Variants in FAM117B observed in about 807,000 individuals in gnomAD.
The protein encoded by FAM117B is protein FAM117B.
In FAM117B, 22 loss-of-function variants were observed where a neutral mutation model predicts 52.8. That is an observed-to-expected ratio of 0.42 (90% CI 0.30 to 0.59). The LOEUF is 0.59. Among genes scored for constraint, FAM117B ranks in the 20% least tolerant of loss-of-function variants. The probability of loss-of-function intolerance (pLI) is 0.22; values close to 1 mark genes in which losing one functional copy is unlikely to be tolerated. For synonymous variants in FAM117B, 309 were observed against 324.1 expected, an observed-to-expected ratio of 0.95 and a Z score of 0.50; for missense variants, 678 against 802.6, an observed-to-expected ratio of 0.84 and a Z score of 1.88.
chr2:202,705,316 A>G (rs1305647011), intron 2 of FAM117B, among the ~76,000 whole-genome samples: 1 of 152,084 alleles, frequency 6.6e-6, no homozygotes, highest in Non-Finnish European at 1.5e-5. Context: ...CAAAGAAAAA[A>G]AAAACAAAAA....
intron 5 of FAM117B, 145 bp downstream of exon 5, chr2:202,755,826 T>TGAGTG (rs1691792655): frequency 3.8e-6 from 3 of 783,136 alleles, no homozygotes; most frequent in Non-Finnish European, 3.9e-6. Flanking sequence ...TTGACCTGGG[T>TGAGTG]GAGTGAATGA....
chr2:202,684,431 G>A (rs1210565744), intron 1 of FAM117B, among the ~76,000 whole-genome samples: 6 of 152,134 alleles, frequency 3.9e-5, no homozygotes, highest in African/African-American at 1.4e-4. Context: ...CATTTGAATT[G>A]TCCAATATAT....
intron 4 of FAM117B, 88 bp from the exon 5 acceptor site, chr2:202,755,450 G>A: frequency 6.8e-7 from 1 of 1,477,572 alleles, no homozygotes; most frequent in Non-Finnish European, 9.2e-7. Flanking sequence ...ATTTATTTTT[G>A]AGTTACTTAT....
intron 7 of FAM117B, among the ~76,000 whole-genome samples, chr2:202,763,221 G>A (rs1310588195): frequency 6.6e-6 from 1 of 151,808 alleles, no homozygotes; most frequent in African/African-American, 2.4e-5. Flanking sequence ...ACAGGCATCC[G>A]CCACCATGCT....
At chr2:202,646,845 T>G (rs1028880183) in intron 1 of FAM117B, among the ~76,000 whole-genome samples, 2 of 149,632 alleles carry the variant, frequency 1.3e-5, no homozygotes, top group Non-Finnish European at 2.9e-5. Context: ...TTTACCTTGT[T>G]TAAGTGATAA....
chr2:202,669,840 A>G (rs573854237), intron 1 of FAM117B, among the ~76,000 whole-genome samples: 4 of 152,242 alleles, frequency 2.6e-5, no homozygotes, highest in South Asian at 4.1e-4. Flanking sequence ...TGCTTGAAGT[A>G]TTTTTCTAGA....
intron 4 of FAM117B, among the ~76,000 whole-genome samples, chr2:202,729,359 CTCTT>C (rs1031974385): frequency 1.3e-5 from 2 of 151,834 alleles, no homozygotes; most frequent in Admixed American, 1.3e-4. Context: ...TAAAAAGAAA[CTCTT>C]AGGCTGTAAA....
chr2:202,751,075 C>A (rs544802770), intron 4 of FAM117B, among the ~76,000 whole-genome samples: 13 of 152,106 alleles, frequency 8.5e-5, no homozygotes, highest in Admixed American at 3.3e-4. Context: ...AAGGGAAAAT[C>A]AAAAAATATA....
intron 4 of FAM117B, among the ~76,000 whole-genome samples, chr2:202,729,167 A>G (rs1264256793): frequency 1.3e-5 from 2 of 152,128 alleles, no homozygotes; most frequent in Admixed American, 1.3e-4. Flanking sequence ...GCGAAACCAC[A>G]TCTCTACTAA....
intron 7 of FAM117B, among the ~76,000 whole-genome samples, chr2:202,765,070 C>T (rs1477453646): frequency 6.6e-6 from 1 of 152,172 alleles, no homozygotes; most frequent in African/African-American, 2.4e-5. Flanking sequence ...TAAAGGCATA[C>T]ATGTCTTTAA....
At chr2:202,669,274 A>G (rs1279929676) in intron 1 of FAM117B, among the ~76,000 whole-genome samples, 2 of 152,196 alleles carry the variant, frequency 1.3e-5, no homozygotes, top group African/African-American at 2.4e-5. Flanking sequence ...TTAAAACAGC[A>G]GTGATTCTAG....
chr2:202,762,038 C>A (rs1691898147), intron 7 of FAM117B, among the ~76,000 whole-genome samples: 1 of 152,072 alleles, frequency 6.6e-6, no homozygotes, highest in African/African-American at 2.4e-5. Flanking sequence ...AAATAAGTTA[C>A]TCAAAGTCTT....
chr2:202,682,673 G>A (rs923888982), intron 1 of FAM117B, among the ~76,000 whole-genome samples: 1 of 152,224 alleles, frequency 6.6e-6, no homozygotes, highest in Admixed American at 6.5e-5. Flanking sequence ...ATAAGCGTCA[G>A]TAACTTTAAA....
intron 1 of FAM117B, among the ~76,000 whole-genome samples, chr2:202,651,013 G>A (rs112134921): frequency 2.1e-3 from 324 of 150,762 alleles, no homozygotes; most frequent in African/African-American, 7.5e-3. Flanking sequence ...AATAATAACC[G>A]TCACAGCTCA....
intron 1 of FAM117B, among the ~76,000 whole-genome samples, chr2:202,681,745 C>T (rs936113679): frequency 2.0e-5 from 3 of 152,214 alleles, no homozygotes; most frequent in Admixed American, 6.5e-5. Flanking sequence ...TTGTAGAACA[C>T]TCAGCGACAG....
chr2:202,702,036 GA>G (rs1690802380), intron 2 of FAM117B, among the ~76,000 whole-genome samples: 1 of 152,174 alleles, frequency 6.6e-6, no homozygotes, highest in African/African-American at 2.4e-5. Flanking sequence ...GTGTGCTACA[GA>G]AAAATCTTTT....
chr2:202,688,724 T>C (rs1233203401), intron 1 of FAM117B, among the ~76,000 whole-genome samples: 1 of 152,174 alleles, frequency 6.6e-6, no homozygotes, highest in East Asian at 1.9e-4. Context: ...TGAAAATTGA[T>C]AAAATATACA....
At chr2:202,680,635 A>G (rs1381788871) in intron 1 of FAM117B, among the ~76,000 whole-genome samples, 2 of 151,902 alleles carry the variant, frequency 1.3e-5, no homozygotes, top group East Asian at 3.8e-4. Context: ...AGAAACAGCC[A>G]AAAAAAAGGG....
Position 202,766,087 on chromosome 2 carries a change from CACACACACACACA to C in FAM117B, c.*324_*336del. 2 of 236,536 alleles carry C rather than the reference CACACACACACACA, an allele frequency of 8.5e-6. No homozygotes were observed. The highest frequency in any genetic ancestry group is 1.7e-5 in the Non-Finnish European group (2 of 119,974). 14.7% of individuals were successfully genotyped at this position (236,536 alleles called of 1,614,324 possible). A position where few individuals can be genotyped will look rare whatever the true frequency, so the allele number is the denominator to read the frequency against. ...ACACACACACACACACACACACACA[CACACACACACACA>C]CACACACCCCTGATCCTTGCCAACA... On this transcript the variant is annotated 3_prime_UTR_variant, in exon 8 of 8. Transcript: ENST00000392238.
Sources: gnomAD v4.1 joint callset for allele counts (sites outside exome capture counted in the v4.1 genomes callset) on GRCh38, gnomAD v4.1.1 for gene constraint, MANE v1.5 for transcripts, NCBI Gene and HGNC (gene_info 2026-07-23, HGNC 2026-07-21) for gene names.